Variants in SPON1 observed in about 807,000 individuals in gnomAD.
SPON1 encodes spondin 1.
A neutral mutation model predicts 111.7 loss-of-function variants in SPON1; 52 were observed. The ratio of observed to expected loss-of-function variants is 0.47; its 90% CI spans 0.37 to 0.59. SPON1 has a LOEUF of 0.59. Ranked by LOEUF, SPON1 falls within the 20% of genes least tolerant of loss-of-function variation. SPON1 has a pLI of 0.00. For synonymous variants in SPON1, 410 were observed against 395.8 expected (o/e 1.04, Z -0.43); for missense variants, 957 against 1,068.5 (o/e 0.90, Z 1.46).
At chr11:14,105,172 T>C (rs1421538844) in intron 5 of SPON1, among the ~76,000 whole-genome samples, 2 of 152,148 alleles carry the variant, frequency 1.3e-5, no homozygotes. Flanking sequence ...TAATCTTCAA[T>C]GTTTTATTCT....
At chr11:14,193,536 C>G (rs573450314) in intron 6 of SPON1, among the ~76,000 whole-genome samples, 12 of 152,158 alleles carry the variant, frequency 7.9e-5, no homozygotes, top group Non-Finnish European at 1.8e-4. Flanking sequence ...ATTGGTTTCA[C>G]TTTATGTGAC....
chr11:14,244,426 G>A (rs1848964940), intron 7 of SPON1, among the ~76,000 whole-genome samples: 1 of 151,726 alleles, frequency 6.6e-6, no homozygotes, highest in Non-Finnish European at 1.5e-5. Context: ...GCTGAGGCAG[G>A]AGAATCACTT....
chr11:13,963,155 C>T lies in SPON1; in HGVS notation c.238+13C>T. 1 of 1,487,144 alleles carries T rather than the reference C, an allele frequency of 6.7e-7. No individual in the cohort carries two copies. Among genetic ancestry groups the T allele is most frequent in the Non-Finnish European group, 9.0e-7 (1 of 1,113,176 alleles). The allele number at this position is 1,487,144 out of a possible 1,614,324, so 92.1% of individuals were successfully genotyped here. ...ACCAGCTACCGCGGTAAGTGGCCGC[C>T]CGGCGTGGCATTAGGAGAGCGGGAC... On this transcript the variant is annotated intron_variant, in intron 1 of 15. Transcript: ENST00000576479.
intron 5 of SPON1, among the ~76,000 whole-genome samples, chr11:14,102,618 C>T (rs983617136): frequency 1.3e-5 from 2 of 152,142 alleles, no homozygotes; most frequent in African/African-American, 4.8e-5. Flanking sequence ...ACTGCATTTA[C>T]TTGTCAGGTC....
At chr11:14,037,654 TAGATGAC>T in intron 2 of SPON1, among the ~76,000 whole-genome samples, 1 of 152,110 alleles carries the variant, frequency 6.6e-6, no homozygotes, top group East Asian at 1.9e-4. Context: ...GAAGAAAACC[TAGATGAC>T]ATTGGATATG....
intron 5 of SPON1, among the ~76,000 whole-genome samples, chr11:14,098,652 C>CAGAGAGAGAGAGGGGTGGGAAGAGAG (rs1849120613): frequency 6.8e-6 from 1 of 146,288 alleles, no homozygotes; most frequent in Non-Finnish European, 1.5e-5. Flanking sequence ...ATATGAAAGG[C>CAGAGAGAGAGAGGGGTGGGAAGAGAG]AGAGAGAGAG....
At chr11:14,239,128 G>A (rs1406153618) in intron 6 of SPON1, among the ~76,000 whole-genome samples, 3 of 152,114 alleles carry the variant, frequency 2.0e-5, no homozygotes, top group South Asian at 2.1e-4. Flanking sequence ...TGCTCCCTGG[G>A]ACTCAGAGCT....
intron 6 of SPON1, among the ~76,000 whole-genome samples, chr11:14,204,789 A>G (rs1289318858): frequency 6.6e-6 from 1 of 151,752 alleles, no homozygotes; most frequent in Admixed American, 6.6e-5. Context: ...GGTTCACGCC[A>G]TTCTCCTGCC....
At chr11:13,990,337 A>C (rs1307386944) in intron 2 of SPON1, among the ~76,000 whole-genome samples, 1 of 113,600 alleles carries the variant, frequency 8.8e-6, no homozygotes, top group Non-Finnish European at 1.8e-5. Flanking sequence ...GTTGGTTTAA[A>C]GTCTGTTTTA....
At chr11:14,054,415 CAG>C (rs1416915591) in intron 3 of SPON1, among the ~76,000 whole-genome samples, 2 of 152,150 alleles carry the variant, frequency 1.3e-5, no homozygotes, top group African/African-American at 2.4e-5. Context: ...GAAGCAGAAA[CAG>C]AAATAATCAT....
intron 6 of SPON1, among the ~76,000 whole-genome samples, chr11:14,185,081 C>G (rs1251195566): frequency 1.3e-5 from 2 of 152,196 alleles, no homozygotes; most frequent in African/African-American, 4.8e-5. Context: ...CTTGTGCAAC[C>G]CTCTTAGCCA....
At chr11:14,063,295 T>TAA (rs563264511) in intron 3 of SPON1, among the ~76,000 whole-genome samples, 1 of 152,084 alleles carries the variant, frequency 6.6e-6, no homozygotes, top group Non-Finnish European at 1.5e-5. Context: ...ACCATTAAAA[T>TAA]AAAAAAAATT....
At chr11:14,236,105 C>A (rs1848863728) in intron 6 of SPON1, among the ~76,000 whole-genome samples, 1 of 152,016 alleles carries the variant, frequency 6.6e-6, no homozygotes, top group Non-Finnish European at 1.5e-5. Context: ...GGATTTTGGC[C>A]AGAGGAATGG....
intron 3 of SPON1, among the ~76,000 whole-genome samples, chr11:14,064,091 A>G (rs535355397): frequency 2.6e-5 from 4 of 152,344 alleles, no homozygotes; most frequent in African/African-American, 7.2e-5. Flanking sequence ...TGTATTGAAA[A>G]TGTATCACAT....
At chr11:14,153,914 G>A (rs545585062) in intron 6 of SPON1, among the ~76,000 whole-genome samples, 1 of 152,346 alleles carries the variant, frequency 6.6e-6, no homozygotes, top group South Asian at 2.1e-4. Flanking sequence ...CGCTATGCAA[G>A]TTTGAAACCC....
chr11:14,031,682 TCTGTC>T (rs1848560363), intron 2 of SPON1, among the ~76,000 whole-genome samples: 2 of 152,030 alleles, frequency 1.3e-5, no homozygotes, highest in African/African-American at 4.8e-5. Flanking sequence ...CCTTTACTTT[TCTGTC>T]CTGGTTAACG....
chr11:14,043,664 G>A (rs531208157), intron 3 of SPON1, among the ~76,000 whole-genome samples: 2 of 152,294 alleles, frequency 1.3e-5, no homozygotes, highest in South Asian at 4.2e-4. Flanking sequence ...TCTATGTGAG[G>A]AGCCTTCCTG....
intron 6 of SPON1, among the ~76,000 whole-genome samples, chr11:14,187,063 T>C (rs1554934139): frequency 6.6e-6 from 1 of 152,168 alleles, no homozygotes; most frequent in African/African-American, 2.4e-5. Context: ...CGGCTTCCGG[T>C]GAGGTCTCAG....
chr11:13,973,195 G>C (rs1848076675), intron 1 of SPON1, among the ~76,000 whole-genome samples: 1 of 152,226 alleles, frequency 6.6e-6, no homozygotes, highest in Non-Finnish European at 1.5e-5. Flanking sequence ...AAACATCCCA[G>C]GGAAGATTGT....
Sources: allele counts gnomAD v4.1 joint callset (sites outside exome capture counted in the v4.1 genomes callset), GRCh38; gene constraint gnomAD v4.1.1; transcripts MANE v1.5; gene names NCBI Gene and HGNC (gene_info 2026-07-23, HGNC 2026-07-21).